The following POLDIP3 variants were observed in gnomAD, a reference collection of about 807,000 sequenced individuals.
POLDIP3 encodes the protein polymerase delta-interacting protein 3.
A neutral mutation model predicts 45.1 loss-of-function variants in POLDIP3; 14 were observed. That is an observed-to-expected ratio of 0.31 (90% confidence interval 0.20 to 0.49). The LOEUF (loss-of-function observed/expected upper bound fraction) is 0.49. Ranked by LOEUF, POLDIP3 falls within the 20% of genes least tolerant of loss-of-function variation. The pLI is 0.99. For missense variants in POLDIP3, 511 were observed against 538.8 expected (o/e 0.95, Z 0.51); for synonymous variants, 223 against 205.2 (o/e 1.09, Z -0.74).
Position 42,591,221 on chromosome 22 carries a change from T to C in POLDIP3, c.1021+734A>G, listed in dbSNP as rs533721952. On this transcript the variant is annotated intron_variant, in intron 7 of 8. Transcript: ENST00000252115. ...TTCAAAACAAAATTAATTTCTTTAA[T>C]GACATACAAATGGCCAATAAGCACA... Among the ~76,000 whole-genome samples, 34 of 152,258 alleles carry C rather than the reference T, an allele frequency of 2.2e-4. No individual in the cohort carries two copies. The South Asian group carries it at 7.1e-3, about 32-fold the overall frequency.
At position 42,585,788 on chromosome 22, in the gene POLDIP3, T is replaced by TG. The variant is rs1388829185; in HGVS notation, c.*2dup. The TG allele has an allele frequency of 1.9e-6, 3 of 1,610,552 alleles. No homozygotes were observed. The highest frequency in any genetic ancestry group is 4.5e-5 in the East Asian group (2 of 44,816). On this transcript the variant is annotated 3_prime_UTR_variant, in exon 9 of 9. Transcript: ENST00000252115. Reference sequence around the variant, plus strand: ...CCCACTTCTGGCTGCCTCACTCCCCTGCTCAAAGCTTGATTTTGAATTCTG... The same window carrying TG: ...CCCACTTCTGGCTGCCTCACTCCCCTGGCTCAAAGCTTGATTTTGAATTCTG...
chr22:42,585,640 G>A lies in POLDIP3; in HGVS notation c.*151C>T, dbSNP rs975087465. 29 of 840,292 alleles carry A rather than the reference G, an allele frequency of 3.5e-5. No individual in the cohort carries two copies. In the Admixed American group the frequency reaches 6.0e-4, roughly 17 times the overall value. The allele number at this position is 840,292 out of a possible 1,614,324, so 52.1% of individuals were successfully genotyped here. ...AGGGCAGAACACAACACAGAAAGGC[G>A]GGTCCCATCCAGTGAGGAAGCTCTT... On this transcript the variant is annotated 3_prime_UTR_variant, in exon 9 of 9. Coordinates refer to ENST00000252115, the MANE Select transcript of POLDIP3 (RefSeq NM_032311.5).
At position 42,601,940 on chromosome 22, in the gene POLDIP3, C is replaced by A. The variant is rs956217050; in HGVS notation, c.537+30G>T. The A allele has an allele frequency of 6.8e-6, 8 of 1,170,884 alleles. No individual in the cohort carries two copies. The African/African-American group carries it at 1.1e-4, about 16-fold the overall frequency. 72.5% of individuals were successfully genotyped at this position (1,170,884 alleles called of 1,614,324 possible). On this transcript the variant is annotated intron_variant, in intron 3 of 8. Coordinates refer to ENST00000252115, the MANE Select transcript of POLDIP3 (RefSeq NM_032311.5). ...CATGTTCGCTATGTACACACAGATTCTCTCTCTCTCTCTCACTCACTCACT... is the reference window on the plus strand; with the variant it reads ...CATGTTCGCTATGTACACACAGATTATCTCTCTCTCTCTCACTCACTCACT...
chr22:42,597,226 A>G (rs545627764), intron 4 of POLDIP3, among the ~76,000 whole-genome samples: 245 of 152,332 alleles, frequency 1.6e-3, no homozygotes, highest in Non-Finnish European at 1.9e-3. Flanking sequence ...AAAGGTGCAT[A>G]AAGCAGAAGT....
intron 1 of POLDIP3, among the ~76,000 whole-genome samples, chr22:42,605,811 T>C (rs1569304096): frequency 2.6e-5 from 4 of 152,148 alleles, no homozygotes; most frequent in South Asian, 2.1e-4. Flanking sequence ...TACAAAGCCA[T>C]AGACAAACTG....
intron 1 of POLDIP3, among the ~76,000 whole-genome samples, chr22:42,604,220 C>T (rs754063299): frequency 3.3e-5 from 5 of 152,204 alleles, no homozygotes; most frequent in Non-Finnish European, 7.3e-5. Flanking sequence ...TTTCTCCAGG[C>T]CAACTCTCCT....
At chr22:42,587,710 T>G (rs1304360707) in intron 7 of POLDIP3, 138 bp from the exon 8 acceptor site, 1 of 798,524 alleles carries the variant, frequency 1.3e-6, no homozygotes, top group African/African-American at 1.7e-5. Flanking sequence ...GAGATGGGGC[T>G]GCTAGGTTCC....
At chr22:42,597,780 CTTTTT>C (rs137103) in intron 4 of POLDIP3, 175 of 391,444 alleles carry the variant, frequency 4.5e-4, no homozygotes, top group South Asian at 5.9e-4. Context: ...TTCACGACCT[CTTTTT>C]TTTTTTTTTT....
rs546270641 is a variant in POLDIP3 at position 42,595,069 on chromosome 22, C to T, written c.891+468G>A. On this transcript the variant is annotated intron_variant, in intron 6 of 8. Coordinates refer to ENST00000252115, the MANE Select transcript of POLDIP3 (RefSeq NM_032311.5). The stretch of plus-strand genomic sequence containing the variant: ...GGCCCTTGGCTGGCATCTGAGAACT[C>T]GGATCTCAGGAGGGCTCCTGCCACC... Among the ~76,000 whole-genome samples, 246 of 152,314 alleles carry T rather than the reference C, an allele frequency of 1.6e-3. 1 individual carries two copies. Among genetic ancestry groups the T allele is most frequent in the Non-Finnish European group, 2.5e-3 (172 of 68,034 alleles).
chr22:42,590,197 A>C (rs1925578429), intron 7 of POLDIP3, among the ~76,000 whole-genome samples: 1 of 152,208 alleles, frequency 6.6e-6, no homozygotes. Flanking sequence ...CTGTAAATGC[A>C]CATACAGTCA....
At chr22:42,600,376 C>T (rs577449353) in intron 3 of POLDIP3, among the ~76,000 whole-genome samples, 8 of 152,350 alleles carry the variant, frequency 5.3e-5, no homozygotes, top group African/African-American at 1.9e-4. Context: ...CCTGTCATCC[C>T]AGCACTTTGG....
chr22:42,603,229 T>G, intron 1 of POLDIP3, 69 bp from the exon 2 acceptor site: 1 of 1,535,478 alleles, frequency 6.5e-7, no homozygotes, highest in African/African-American at 1.4e-5. Flanking sequence ...AAAGCGGAAC[T>G]GTGGTAACAC....
chr22:42,586,654 C>A (rs1194271030), intron 8 of POLDIP3, among the ~76,000 whole-genome samples: 1 of 152,196 alleles, frequency 6.6e-6, no homozygotes, highest in African/African-American at 2.4e-5. Flanking sequence ...AGAAATATTT[C>A]TTATTCCTTG....
chr22:42,594,289 T>C (rs1043736306), intron 6 of POLDIP3, among the ~76,000 whole-genome samples: 1 of 151,456 alleles, frequency 6.6e-6, no homozygotes, highest in African/African-American at 2.4e-5. Flanking sequence ...GGTGGGTGGA[T>C]CATTTGAGGT....
At chr22:42,596,472 A>G in intron 4 of POLDIP3, 107 bp from the exon 5 acceptor site, 1 of 1,107,102 alleles carries the variant, frequency 9.0e-7, no homozygotes, top group South Asian at 1.6e-5. Context: ...GATGCCTCCC[A>G]GCTCTCTAAT....
intron 8 of POLDIP3, 46 bp from the exon 9 acceptor site, chr22:42,586,014 T>G (rs1361075418): frequency 6.6e-7 from 1 of 1,526,464 alleles, no homozygotes; most frequent in Non-Finnish European, 8.8e-7. Context: ...AGTTTTTCCT[T>G]AGATGGGGAG....
chr22:42,588,506 T>A, intron 7 of POLDIP3, among the ~76,000 whole-genome samples: 1 of 149,824 alleles, frequency 6.7e-6, no homozygotes, highest in African/African-American at 2.5e-5. Context: ...TAATTATCAA[T>A]ATTAAATATG....
rs912221333 is a variant in POLDIP3 at position 42,585,225 on chromosome 22, C to T, written c.*566G>A. The T allele has an allele frequency of 3.9e-6, 2 of 514,480 alleles. No homozygotes were observed. The highest frequency in any genetic ancestry group is 3.2e-4 in the Middle Eastern group (1 of 3,138). The allele number at this position is 514,480 out of a possible 1,614,324, so 31.9% of individuals were successfully genotyped here. Reference sequence around the variant, plus strand: ...CCCTTGCCACTAGTGAGGCCTGGAGCCACTGGGGAGAGGACAAGAGGCCTG... The same window carrying T: ...CCCTTGCCACTAGTGAGGCCTGGAGTCACTGGGGAGAGGACAAGAGGCCTG... On this transcript the variant is annotated 3_prime_UTR_variant, in exon 9 of 9. Transcript: ENST00000252115.
chr22:42,586,017 A>G, intron 8 of POLDIP3, 49 bp from the exon 9 acceptor site: 1 of 1,517,978 alleles, frequency 6.6e-7, no homozygotes. Context: ...TTTTCCTTAG[A>G]TGGGGAGGGG....
Sources: gnomAD v4.1 joint callset for allele counts (sites outside exome capture counted in the v4.1 genomes callset) on GRCh38, gnomAD v4.1.1 for gene constraint, MANE v1.5 for transcripts, NCBI Gene and HGNC (gene_info 2026-07-23, HGNC 2026-07-21) for gene names.